The following LRFN3 variants were observed in gnomAD, a reference collection of about 807,000 sequenced individuals.
The protein encoded by LRFN3 is leucine-rich repeat and fibronectin type-III domain-containing protein 3.
Under a neutral mutation model 23.8 loss-of-function variants are expected in LRFN3, and 8 were observed. That is an observed-to-expected ratio of 0.34 (90% confidence interval 0.20 to 0.61). The LOEUF (loss-of-function observed/expected upper bound fraction) is 0.61. Among genes scored for constraint, LRFN3 ranks in the 20% least tolerant of loss-of-function variants. The pLI, the probability that LRFN3 is intolerant of heterozygous loss-of-function variation, is 0.80. For missense variants in LRFN3, 736 were observed against 935.3 expected (o/e 0.79, Z 2.78); for synonymous variants, 451 against 450.6 (o/e 1.00, Z -0.01).
chr19:35,942,168 C>G (rs1198296037), intron 2 of LRFN3, among the ~76,000 whole-genome samples: 2 of 152,200 alleles, frequency 1.3e-5, no homozygotes, highest in Admixed American at 6.5e-5. Context: ...AGGCCTGAGC[C>G]ACCGCGCCCG....
At chr19:35,941,762 C>T (rs1219572661) in intron 2 of LRFN3, among the ~76,000 whole-genome samples, 3 of 152,110 alleles carry the variant, frequency 2.0e-5, no homozygotes, top group Admixed American at 6.6e-5. Context: ...TTAGTGGAGA[C>T]GGGGTTTTGC....
At position 35,944,533 on chromosome 19, in the gene LRFN3, C is replaced by A; in HGVS notation, c.1416-15C>A. ...GGGCAGCCTGAGACCTGACCCCCAC[C>A]TGCCTGCCCTGCAGGATGATCCCGG... On this transcript the variant is annotated splice_polypyrimidine_tract_variant and intron_variant, in intron 2 of 2. Transcript: ENST00000246529. The surrounding 1 kb of genome is among the most constrained non-coding windows in gnomAD (Gnocchi z 4.5). 1 of 1,422,764 alleles carries A rather than the reference C, an allele frequency of 7.0e-7. No individual in the cohort carries two copies. Among genetic ancestry groups the A allele is most frequent in the Non-Finnish European group, 9.2e-7 (1 of 1,092,822 alleles). 88.1% of individuals were successfully genotyped at this position (1,422,764 alleles called of 1,614,324 possible). A position where few individuals can be genotyped will look rare whatever the true frequency, so the allele number is the denominator to read the frequency against.
chr19:35,939,679 T>C lies in LRFN3; in HGVS notation c.254T>C (p.Leu85Pro). 1 of 1,607,322 alleles carries C rather than the reference T, an allele frequency of 6.2e-7. No homozygotes were observed. Among genetic ancestry groups the C allele is most frequent in the Non-Finnish European group, 8.5e-7 (1 of 1,179,060 alleles). Reference sequence around the variant, plus strand: ...CGCGACCTGGCCAACATGACAGGCCTGCTGCATCTGAGCCTGTCGCGGAAC... The same window carrying C: ...CGCGACCTGGCCAACATGACAGGCCCGCTGCATCTGAGCCTGTCGCGGAAC... ...RRRDLANMTG[L>P]LHLSLSRNTI... is the part of the protein sequence containing the mutation. The change falls in exon 2 of 3, where the codon CTG becomes CCG. Residue 85 changes from leucine to proline, a missense_variant. Leu to Pro is a moderately conservative substitution (Grantham distance 98). This residue lies in a region of LRFN3 where 446 missense variants were observed against 647.9 expected (regional missense o/e 0.69). Transcript: ENST00000246529. This position sits in a 1 kb window ranked among gnomAD's most constrained non-coding sequence, Gnocchi z 6.4.
At position 35,939,857 on chromosome 19, in the gene LRFN3, A is replaced by C; in HGVS notation, c.432A>C (p.Ala144=). 6.2e-7 allele frequency: 1 copy of C among 1,601,618 alleles called. No individual in the cohort carries two copies. The highest frequency in any genetic ancestry group is 8.5e-7 in the Non-Finnish European group (1 of 1,179,796). Residue 144 remains alanine, a synonymous_variant, in exon 2 of 3, where the codon GCA becomes GCC. Transcript: ENST00000246529. This position sits in a 1 kb window ranked among gnomAD's most constrained non-coding sequence, Gnocchi z 6.4. ...RHLILSNNQL[A]ALAAGALDDC... ...TCATCCTCAGCAACAACCAGCTGGC[A>C]GCGCTGGCGGCCGGCGCCCTGGATG...
At chr19:35,937,692 T>A (rs1331263279) in intron 1 of LRFN3, 137 bp downstream of exon 1, 2 of 153,144 alleles carry the variant, frequency 1.3e-5, no homozygotes, top group Non-Finnish European at 2.9e-5. Context: ...TGCCTTCAGC[T>A]CCTGCTCTGC....
Position 35,940,855 on chromosome 19 carries a change from C to T in LRFN3, c.1415+15C>T. 1 of 1,529,014 alleles carries T rather than the reference C, an allele frequency of 6.5e-7. No individual in the cohort carries two copies. The highest frequency in any genetic ancestry group is 8.8e-7 in the Non-Finnish European group (1 of 1,131,584). The allele number at this position is 1,529,014 out of a possible 1,614,324, so 94.7% of individuals were successfully genotyped here. ...CTCGTCTACAGGTGCAGGGTCCAGGCACTGGGGTAGCTTGGGTGGGGGAGT... is the reference window on the plus strand; with the variant it reads ...CTCGTCTACAGGTGCAGGGTCCAGGTACTGGGGTAGCTTGGGTGGGGGAGT... On this transcript the variant is annotated intron_variant, in intron 2 of 2. Transcript: ENST00000246529.
chr19:35,939,747 G>A lies in LRFN3; in HGVS notation c.322G>A (p.Ala108Thr). 3 of 1,603,942 alleles carry A rather than the reference G, an allele frequency of 1.9e-6. No individual in the cohort carries two copies. The highest frequency in any genetic ancestry group is 2.5e-6 in the Non-Finnish European group (3 of 1,178,822). Residue 108 changes from alanine (A) to threonine (T), a missense_variant, in exon 2 of 3, where the codon GCC becomes ACC. Physicochemically the swap from Ala to Thr is moderately conservative, Grantham distance 58 (BLOSUM62 0). Coordinates refer to ENST00000246529, the MANE Select transcript of LRFN3 (RefSeq NM_024509.2). This position sits in a 1 kb window ranked among gnomAD's most constrained non-coding sequence, Gnocchi z 6.4. ...VAAGAFADLR[A>T]LRALHLDGNR... ...TGCCGGCGCCTTCGCCGACCTGCGG[G>A]CCCTGCGTGCCCTGCACCTGGATGG...
chr19:35,946,016 TG>T lies in LRFN3; in HGVS notation c.*1000del, dbSNP rs1253911259. Among the ~76,000 whole-genome samples, 1 of 151,552 alleles carries T rather than the reference TG, an allele frequency of 6.6e-6. No individual in the cohort carries two copies. Among genetic ancestry groups the T allele is most frequent in the Admixed American group, 6.6e-5 (1 of 15,222 alleles). On this transcript the variant is annotated 3_prime_UTR_variant, in exon 3 of 3. Coordinates refer to ENST00000246529, the MANE Select transcript of LRFN3 (RefSeq NM_024509.2). ...GTTGACAGAGACACTCGGGAAACTG[TG>T]GGAAGCTGAGGCGGTGGGTTATGGA... is the stretch of plus-strand genomic sequence containing the variant.
Position 35,944,592 on chromosome 19 carries a change from C to T in LRFN3, c.1460C>T (p.Ala487Val). The T allele has an allele frequency of 6.7e-7, 1 of 1,487,324 alleles. No homozygotes were observed. Among genetic ancestry groups the T allele is most frequent in the Non-Finnish European group, 8.9e-7 (1 of 1,123,878 alleles). 92.1% of individuals were successfully genotyped at this position (1,487,324 alleles called of 1,614,324 possible). A position where few individuals can be genotyped will look rare whatever the true frequency, so the allele number is the denominator to read the frequency against. ...ESRSFLLTDL[A>V]SGRTYDLCVL... is the part of the protein sequence containing the mutation. Reference sequence around the variant, plus strand: ...CGCTCGTTCCTGCTGACGGACCTGGCGTCAGGCCGGACCTACGATCTGTGC... The same window carrying T: ...CGCTCGTTCCTGCTGACGGACCTGGTGTCAGGCCGGACCTACGATCTGTGC... The change falls in exon 3 of 3, where the codon GCG becomes GTG. Residue 487 changes from alanine to valine, a missense_variant. Ala to Val is a moderately conservative substitution (Grantham distance 64). Around this residue, in one of 2 missense-constraint regions of LRFN3, gnomAD observed 290 missense variants for 287.4 expected, o/e 1.01. Transcript: ENST00000246529. This position sits in a 1 kb window ranked among gnomAD's most constrained non-coding sequence, Gnocchi z 4.5.
Position 35,939,527 on chromosome 19 carries a change from CCAGA to C in LRFN3, c.105_108del (p.Gln35HisfsTer6). On this transcript the variant is annotated frameshift_variant, in exon 2 of 3. Coordinates refer to ENST00000246529, the MANE Select transcript of LRFN3 (RefSeq NM_024509.2). LOFTEE classifies it high-confidence loss of function. This position sits in a 1 kb window ranked among gnomAD's most constrained non-coding sequence, Gnocchi z 6.4. ...GCCCATGTCCCCGCCGCTGCCGCTGCCAGACACAGTCGCTGCCCCTAAGCGTGCT... is the reference window on the plus strand; with the variant it reads ...GCCCATGTCCCCGCCGCTGCCGCTGCCACAGTCGCTGCCCCTAAGCGTGCT... 3 of 1,608,092 alleles carry C rather than the reference CCAGA, an allele frequency of 1.9e-6. No homozygotes were observed. The highest frequency in any genetic ancestry group is 1.3e-5 in the African/African-American group (1 of 75,042).
In LRFN3 at chr19:35,940,804, A is replaced by C; in HGVS notation, c.1379A>C (p.Gln460Pro). ...CCGGGCATCCGCATGTACCAGATCCAGTACAACAGCTCGGCTGATGACATC... is the reference window on the plus strand; with the variant it reads ...CCGGGCATCCGCATGTACCAGATCCCGTACAACAGCTCGGCTGATGACATC... ...PIPGIRMYQI[Q>P]YNSSADDILV... Residue 460 changes from glutamine (Q) to proline (P), a missense_variant, in exon 2 of 3, where the codon CAG becomes CCG. By Grantham distance (76) the Gln-to-Pro change is moderately conservative (BLOSUM62 -1). Around this residue, in one of 2 missense-constraint regions of LRFN3, gnomAD observed 290 missense variants for 287.4 expected, o/e 1.01. Coordinates refer to ENST00000246529, the MANE Select transcript of LRFN3 (RefSeq NM_024509.2). 1 of 1,594,264 alleles carries C rather than the reference A, an allele frequency of 6.3e-7. No homozygotes were observed. Among genetic ancestry groups the C allele is most frequent in the Non-Finnish European group, 8.6e-7 (1 of 1,165,894 alleles).
At chr19:35,938,172 C>G (rs1976077490) in intron 1 of LRFN3, among the ~76,000 whole-genome samples, 1 of 152,148 alleles carries the variant, frequency 6.6e-6, no homozygotes, top group African/African-American at 2.4e-5. Context: ...CTAGCTTCCT[C>G]TGGCCACCTT....
Position 35,944,754 on chromosome 19 carries a change from T to C in LRFN3, c.1622T>C (p.Ile541Thr), listed in dbSNP as rs1012055862. Residue 541 changes from isoleucine (I) to threonine (T), a missense_variant, in exon 3 of 3, where the codon ATC becomes ACC. Coordinates refer to ENST00000246529, the MANE Select transcript of LRFN3 (RefSeq NM_024509.2). This position sits in a 1 kb window ranked among gnomAD's most constrained non-coding sequence, Gnocchi z 4.5. Reference protein sequence around the residue: ...HAPFLGGTMIIALGGVIVASV... With the variant: ...HAPFLGGTMITALGGVIVASV... ...CCCTTCCTGGGCGGCACGATGATCA[T>C]CGCGCTGGGCGGCGTCATCGTAGCC... 4 of 1,609,006 alleles carry C rather than the reference T, an allele frequency of 2.5e-6. No individual in the cohort carries two copies. In the African/African-American group the frequency reaches 5.4e-5, roughly 22 times the overall value.
rs771855400 is a variant in LRFN3 at position 35,940,676 on chromosome 19, T to C, written c.1251T>C (p.Ser417=). Residue 417 remains serine, a synonymous_variant, in exon 2 of 3, where the codon TCT becomes TCC. Coordinates refer to ENST00000246529, the MANE Select transcript of LRFN3 (RefSeq NM_024509.2). ...CCCCACCCTCCGCTGCCTCTGCTTC[T>C]GCCAAGGTGGCCGACACTGGGCCCC... The part of the protein sequence containing the change: ...ALTPPSAASA[S]AKVADTGPPT... 10 of 1,613,044 alleles carry C rather than the reference T, an allele frequency of 6.2e-6. No homozygotes were observed. The highest frequency in any genetic ancestry group is 1.3e-5 in the African/African-American group (1 of 74,944).
chr19:35,944,521 C>T lies in LRFN3; in HGVS notation c.1416-27C>T, dbSNP rs1377256661. The stretch of plus-strand genomic sequence containing the variant: ...AGGTTGGGGGCTGGGCAGCCTGAGA[C>T]CTGACCCCCACCTGCCTGCCCTGCA... On this transcript the variant is annotated intron_variant, in intron 2 of 2. Transcript: ENST00000246529. The surrounding 1 kb of genome is among the most constrained non-coding windows in gnomAD (Gnocchi z 4.5). 1.4e-6 allele frequency: 2 copies of T among 1,402,400 alleles called. No individual in the cohort carries two copies. The highest frequency in any genetic ancestry group is 1.9e-6 in the Non-Finnish European group (2 of 1,079,562). The allele number at this position is 1,402,400 out of a possible 1,614,324, so 86.9% of individuals were successfully genotyped here.
rs1162080068 is a variant in LRFN3 at position 35,936,875 on chromosome 19, A to G, written c.-697A>G. On this transcript the variant is annotated 5_prime_UTR_variant, in exon 1 of 3. Transcript: ENST00000246529. ...CAGTATATGGGGCTGGAATCTCAAC[A>G]TCGGTCACTGGGACCTCAATATTTG... The G allele has an allele frequency of 5.9e-5, 9 of 152,232 alleles. No individual in the cohort carries two copies. In the South Asian group the frequency reaches 1.0e-3, roughly 18 times the overall value. 9.4% of individuals were successfully genotyped at this position (152,232 alleles called of 1,614,324 possible). A position where few individuals can be genotyped will look rare whatever the true frequency, so the allele number is the denominator to read the frequency against.
chr19:35,943,028 CAAA>C (rs566002756), intron 2 of LRFN3, among the ~76,000 whole-genome samples: 4 of 85,676 alleles, frequency 4.7e-5, no homozygotes, highest in Admixed American at 2.5e-4. Context: ...GACTCCGTCT[CAAA>C]AAAAAAAAAA....
rs1254662980 is a variant in LRFN3 at position 35,945,125 on chromosome 19, ACT to A, written c.*109_*110del. 3.1e-6 allele frequency: 2 copies of A among 641,644 alleles called. No individual in the cohort carries two copies. Among genetic ancestry groups the A allele is most frequent in the Non-Finnish European group, 2.4e-6 (1 of 419,820 alleles). The allele number at this position is 641,644 out of a possible 1,614,324, so 39.7% of individuals were successfully genotyped here. A position where few individuals can be genotyped will look rare whatever the true frequency, so the allele number is the denominator to read the frequency against. On this transcript the variant is annotated 3_prime_UTR_variant, in exon 3 of 3. Transcript: ENST00000246529. ...CACCAAATCGCTCATGGTTTTTAAA[ACT>A]CTGATGGGGAGGGTGTCGGGGACAC...
At position 35,940,734 on chromosome 19, in the gene LRFN3, G is replaced by A. The variant is rs757741215; in HGVS notation, c.1309G>A (p.Gly437Arg). Residue 437 changes from glycine (G) to arginine (R), a missense_variant, in exon 2 of 3, where the codon GGG (glycine) becomes AGG (arginine). By Grantham distance (125) the Gly-to-Arg change is moderately radical. This residue lies in a region of LRFN3 where 446 missense variants were observed against 647.9 expected (regional missense o/e 0.69). Transcript: ENST00000246529. ...TDRGVQVTEHGATAALVQWPD... is the reference protein window; with the variant it reads ...TDRGVQVTEHRATAALVQWPD... The stretch of plus-strand genomic sequence containing the variant: ...CCGTGGCGTCCAGGTGACTGAGCAC[G>A]GGGCCACAGCTGCTCTTGTCCAGTG... 2.0e-5 allele frequency: 33 copies of A among 1,613,398 alleles called. No homozygotes were observed. Among genetic ancestry groups the A allele is most frequent in the African/African-American group, 2.7e-5 (2 of 74,944 alleles).
Sources: gnomAD v4.1 joint callset for allele counts (sites outside exome capture counted in the v4.1 genomes callset) on GRCh38, gnomAD v4.1.1 for gene constraint, gnomAD v4.1.1 regional missense constraint, Gnocchi (gnomAD v3.1) non-coding constraint, MANE v1.5 for transcripts, NCBI Gene and HGNC (gene_info 2026-07-23, HGNC 2026-07-21) for gene names.